TNFRSF19: variants seen among roughly 807,000 people sequenced by gnomAD.
TNFRSF19 encodes TNF receptor superfamily member 19.
A neutral mutation model predicts 46.4 loss-of-function variants in TNFRSF19; 27 were observed. The ratio of observed to expected loss-of-function variants is 0.58; its 90% confidence interval spans 0.43 to 0.80. The LOEUF is 0.80. Ranked by LOEUF, TNFRSF19 falls within the 30% of genes least tolerant of loss-of-function variation. The pLI is 0.00. For missense variants in TNFRSF19, 511 were observed against 530.8 expected, an observed-to-expected ratio of 0.96 and a Z score of 0.37; for synonymous variants, 204 against 205.0, an observed-to-expected ratio of 1.00 and a Z score of 0.04.
In TNFRSF19 at chr13:23,615,969, T is replaced by C. The variant is rs1881258093; in HGVS notation, c.283T>C (p.Cys95Arg). ...GFQKCKPCLD[C>R]AVVNRFQKAN... ...CCAGAAATGCAAGCCCTGTCTGGAC[T>C]GCGCAGTGGTGAACCGCTTTCAGAA... Residue 95 changes from cysteine (C) to arginine (R), a missense_variant, in exon 4 of 10, where the codon TGC (cysteine) becomes CGC (arginine). Transcript: ENST00000248484. The C allele has an allele frequency of 6.2e-7, 1 of 1,613,854 alleles. No individual in the cohort carries two copies. The highest frequency in any genetic ancestry group is 1.3e-5 in the African/African-American group (1 of 74,928).
chr13:23,590,937 A>G (rs900219290), intron 2 of TNFRSF19, among the ~76,000 whole-genome samples: 1 of 152,246 alleles, frequency 6.6e-6, no homozygotes, highest in South Asian at 2.1e-4. Context: ...TGAATAATTT[A>G]GAATAGATTT....
Position 23,668,933 on chromosome 13 carries a change from C to T in TNFRSF19, c.1081C>T (p.Pro361Ser), listed in dbSNP as rs1951703386. ...TCAAGATTTGGTTGGTGGGGCTGTTCCAGTCCAGTCTCATTCTGAAAACTT... is the reference window on the plus strand; with the variant it reads ...TCAAGATTTGGTTGGTGGGGCTGTTTCAGTCCAGTCTCATTCTGAAAACTT... The part of the protein sequence containing the change: ...SSQDLVGGAV[P>S]VQSHSENFTA... Residue 361 changes from proline (P) to serine (S), a missense_variant, in exon 9 of 10, where the codon CCA becomes TCA. Pro to Ser is a moderately conservative substitution (Grantham distance 74, BLOSUM62 -1). Transcript: ENST00000248484. 2 of 1,614,252 alleles carry T rather than the reference C, an allele frequency of 1.2e-6. No individual in the cohort carries two copies.
intron 9 of TNFRSF19, among the ~76,000 whole-genome samples, chr13:23,671,518 AACTTT>A (rs1951761802): frequency 6.6e-6 from 1 of 152,078 alleles, no homozygotes; most frequent in Non-Finnish European, 1.5e-5. Flanking sequence ...AAAAAAAAAA[AACTTT>A]AGTTGCACTT....
In TNFRSF19 at chr13:23,675,887, A is replaced by C. The variant is rs1951822705; in HGVS notation, c.*2507A>C. 1 of 152,204 alleles carries C rather than the reference A, an allele frequency of 6.6e-6. No individual in the cohort carries two copies. Among genetic ancestry groups the C allele is most frequent in the African/African-American group, 2.4e-5 (1 of 41,458 alleles). The allele number at this position is 152,204 out of a possible 1,614,324, so 9.4% of individuals were successfully genotyped here. ...TTTTTCTACTTTAGATAATGTGTTA[A>C]TATTGCTATTACCTAGGTTAAGCAC... On this transcript the variant is annotated 3_prime_UTR_variant, in exon 10 of 10. Coordinates refer to ENST00000248484, the MANE Select transcript of TNFRSF19 (RefSeq NM_148957.4).
At position 23,622,313 on chromosome 13, in the gene TNFRSF19, G is replaced by A. The variant is rs554159007; in HGVS notation, c.360-4394G>A. On this transcript the variant is annotated intron_variant, in intron 4 of 9. Coordinates refer to ENST00000248484, the MANE Select transcript of TNFRSF19 (RefSeq NM_148957.4). ...AATCCCAGCTACTTGGGAGGCTGAG[G>A]GAGGAGAATCGCTGGAACCTGGGAG... 5.3e-5 allele frequency among the ~76,000 whole-genome samples: 8 copies of A among 151,976 alleles called. No homozygotes were observed. In the South Asian group the frequency reaches 6.2e-4, roughly 12 times the overall value.
Position 23,605,705 on chromosome 13 carries a change from T to C in TNFRSF19, c.181-10162T>C, listed in dbSNP as rs1880465071. Among the ~76,000 whole-genome samples, 3 of 152,132 alleles carry C rather than the reference T, an allele frequency of 2.0e-5. No homozygotes were observed. In the East Asian group the frequency reaches 5.8e-4, roughly 29 times the overall value. ...ACATTACCAAGTGAAACAAGCCAAT[T>C]GGAAAAGTCTGCTTCCTGTATGATT... On this transcript the variant is annotated intron_variant, in intron 3 of 9. Transcript: ENST00000248484.
chr13:23,669,754 G>C, intron 9 of TNFRSF19: 2 of 972,598 alleles, frequency 2.1e-6, no homozygotes, highest in Non-Finnish European at 2.4e-6. Context: ...AGGCAGCAAA[G>C]GATTCAGGGA....
chr13:23,637,227 T>C (rs17418667), intron 5 of TNFRSF19, among the ~76,000 whole-genome samples: 29,359 of 152,220 alleles, frequency 0.19, 3,639 homozygotes, highest in East Asian at 0.43. Context: ...AATTTTCTCA[T>C]AACTATCTCA....
At chr13:23,603,877 C>T (rs1175282626) in intron 3 of TNFRSF19, among the ~76,000 whole-genome samples, 1 of 151,964 alleles carries the variant, frequency 6.6e-6, no homozygotes, top group Non-Finnish European at 1.5e-5. Flanking sequence ...AAAACCAAAA[C>T]TCTAGAGTTG....
rs1473923611 is a variant in TNFRSF19, at chr13:23,659,524, G to T, written c.610+310G>T. On this transcript the variant is annotated intron_variant, in intron 6 of 9. Transcript: ENST00000248484. This position sits in a 1 kb window ranked among gnomAD's most constrained non-coding sequence, Gnocchi z 4.9. Reference sequence around the variant, plus strand: ...TGTTTCTTTGTTTTTTTGTTTTTTTGGAGACAGAGTCTGGCTCTGTCACCC... The same window carrying T: ...TGTTTCTTTGTTTTTTTGTTTTTTTTGAGACAGAGTCTGGCTCTGTCACCC... Among the ~76,000 whole-genome samples, 3 of 151,312 alleles carry T rather than the reference G, an allele frequency of 2.0e-5. No homozygotes were observed. The highest frequency in any genetic ancestry group is 4.8e-5 in the African/African-American group (2 of 41,238).
intron 5 of TNFRSF19, 100 bp downstream of exon 5, chr13:23,626,892 G>A (rs1458158608): frequency 9.0e-7 from 1 of 1,107,290 alleles, no homozygotes; most frequent in Non-Finnish European, 1.3e-6. Context: ...AGCCAAATCT[G>A]TCTCTCCTGT....
intron 3 of TNFRSF19, among the ~76,000 whole-genome samples, chr13:23,613,243 T>G (rs114428029): frequency 5.5e-4 from 84 of 152,370 alleles, no homozygotes; most frequent in African/African-American, 2.0e-3. Flanking sequence ...CACTCCGTGC[T>G]TGATTTAGAG....
intron 1 of TNFRSF19, among the ~76,000 whole-genome samples, chr13:23,572,852 T>A (rs1877715721): frequency 6.6e-6 from 1 of 152,228 alleles, no homozygotes. Context: ...AAAACCCTTA[T>A]GTGACATTTT....
At position 23,673,518 on chromosome 13, in the gene TNFRSF19, G is replaced by T; in HGVS notation, c.*138G>T. On this transcript the variant is annotated 3_prime_UTR_variant, in exon 10 of 10. Transcript: ENST00000248484. Reference sequence around the variant, plus strand: ...AATCTGAACCAAACTGACGGCATTTGAAGCCTTTCAGCCAGTTGCTTCTGA... The same window carrying T: ...AATCTGAACCAAACTGACGGCATTTTAAGCCTTTCAGCCAGTTGCTTCTGA... 7.4e-7 allele frequency: 1 copy of T among 1,343,856 alleles called. No individual in the cohort carries two copies. Among genetic ancestry groups the T allele is most frequent in the East Asian group, 2.7e-5 (1 of 36,576 alleles). The allele number at this position is 1,343,856 out of a possible 1,614,324, so 83.2% of individuals were successfully genotyped here.
intron 5 of TNFRSF19, among the ~76,000 whole-genome samples, chr13:23,651,113 T>C (rs534623761): frequency 3.4e-4 from 52 of 152,330 alleles, no homozygotes; most frequent in Middle Eastern, 3.4e-3. Flanking sequence ...GAGCTCTTTG[T>C]TAATAATTTT....
chr13:23,584,828 G>A (rs1213182433), intron 1 of TNFRSF19, among the ~76,000 whole-genome samples: 1 of 152,148 alleles, frequency 6.6e-6, no homozygotes, highest in Non-Finnish European at 1.5e-5. Context: ...ACCTTTGTGA[G>A]TTCCTAGGCT....
chr13:23,593,533 T>C (rs769805798), intron 3 of TNFRSF19, 78 bp downstream of exon 3: 84 of 983,328 alleles, frequency 8.5e-5, no homozygotes, highest in Non-Finnish European at 1.2e-4. Flanking sequence ...TTGAGTTAAT[T>C]ATTAATGAAA....
chr13:23,587,573 TC>T (rs1878933406), intron 1 of TNFRSF19, among the ~76,000 whole-genome samples: 1 of 147,496 alleles, frequency 6.8e-6, no homozygotes, highest in Admixed American at 6.8e-5. Flanking sequence ...TATGTGTCTC[TC>T]ATCAGTTTTG....
chr13:23,583,054 A>G (rs1878569247), intron 1 of TNFRSF19, among the ~76,000 whole-genome samples: 1 of 152,228 alleles, frequency 6.6e-6, no homozygotes, highest in East Asian at 1.9e-4. Context: ...ATGAAAGTTT[A>G]CTTTCCAAAA....
Sources: allele counts gnomAD v4.1 joint callset (sites outside exome capture counted in the v4.1 genomes callset), GRCh38; gene constraint gnomAD v4.1.1; non-coding constraint Gnocchi (gnomAD v3.1); transcripts MANE v1.5; gene names NCBI Gene and HGNC (gene_info 2026-07-23, HGNC 2026-07-21).